The following PLXNA2 variants were observed in gnomAD, a reference collection of about 807,000 sequenced individuals.
The protein encoded by PLXNA2 is plexin-A2.
A neutral mutation model predicts 193.5 loss-of-function variants in PLXNA2; 91 were observed. The observed-to-expected ratio is 0.47, with a 90% CI of 0.40 to 0.56. PLXNA2 has a LOEUF of 0.56. Among genes scored for constraint, PLXNA2 ranks in the 20% least tolerant of loss-of-function variants. The pLI, the probability that PLXNA2 is intolerant of heterozygous loss-of-function variation, is 0.00. For missense variants in PLXNA2, 1,995 were observed against 2,503.2 expected (o/e 0.80, Z 4.33); for synonymous variants, 997 against 1,027.3 (o/e 0.97, Z 0.56).
chr1:208,102,546 C>T (rs1273888680), intron 5 of PLXNA2, among the ~76,000 whole-genome samples: 2 of 152,224 alleles, frequency 1.3e-5, no homozygotes, highest in African/African-American at 4.8e-5. Context: ...GAAGGGTCCT[C>T]CCAAGGGTAT....
intron 26 of PLXNA2, among the ~76,000 whole-genome samples, chr1:208,036,409 A>C (rs1664671286): frequency 6.6e-6 from 1 of 152,202 alleles, no homozygotes; most frequent in African/African-American, 2.4e-5. Flanking sequence ...AGGTGGTGCA[A>C]GTCCATGGTC....
At position 208,098,864 on chromosome 1, in the gene PLXNA2, T is replaced by C; in HGVS notation, c.1713A>G (p.Val571=). The C allele has an allele frequency of 6.2e-7, 1 of 1,613,852 alleles. No homozygotes were observed. The highest frequency in any genetic ancestry group is 8.5e-7 in the Non-Finnish European group (1 of 1,179,948). ...TACTTACCAACCGGCTGTGCTCAGATACTGAGATGCTGCTGGGATGCACTG... is the reference window on the plus strand; with the variant it reads ...TACTTACCAACCGGCTGTGCTCAGACACTGAGATGCTGCTGGGATGCACTG... ...SLAVHPSSIS[V]SEHSRLLSLV... Residue 571 remains valine, a synonymous_variant, in exon 6 of 32, where the codon GTA becomes GTG. Coordinates refer to ENST00000367033, the MANE Select transcript of PLXNA2 (RefSeq NM_025179.4).
At chr1:208,243,320 C>T (rs927630987) in intron 1 of PLXNA2, among the ~76,000 whole-genome samples, 2 of 152,284 alleles carry the variant, frequency 1.3e-5, no homozygotes, top group Admixed American at 6.5e-5. Context: ...CCGCAGAGCG[C>T]CGGCAGGTGC....
intron 1 of PLXNA2, among the ~76,000 whole-genome samples, chr1:208,231,081 C>A (rs1336641983): frequency 6.6e-6 from 1 of 152,086 alleles, no homozygotes; most frequent in Non-Finnish European, 1.5e-5. Flanking sequence ...CATTTGAGAC[C>A]CTTGAGGCGC....
chr1:208,223,143 G>A (rs969884317), intron 1 of PLXNA2, among the ~76,000 whole-genome samples: 22 of 150,976 alleles, frequency 1.5e-4, no homozygotes, highest in African/African-American at 4.9e-4. Context: ...AGAGGAGTCC[G>A]TCTTCTCCTT....
At chr1:208,219,610 T>G (rs972659264) in intron 1 of PLXNA2, among the ~76,000 whole-genome samples, 3 of 152,160 alleles carry the variant, frequency 2.0e-5, no homozygotes, top group African/African-American at 7.2e-5. Context: ...GGGTTATAAT[T>G]AGAACAGACA....
intron 3 of PLXNA2, among the ~76,000 whole-genome samples, chr1:208,206,905 A>G (rs1395238190): frequency 2.0e-5 from 3 of 151,818 alleles, no homozygotes; most frequent in African/African-American, 7.3e-5. Flanking sequence ...CTGGGATTAC[A>G]GGTGCATGCC....
chr1:208,154,654 C>A (rs1032936194), intron 3 of PLXNA2, among the ~76,000 whole-genome samples: 1 of 152,252 alleles, frequency 6.6e-6, no homozygotes, highest in Non-Finnish European at 1.5e-5. Context: ...GTACAAGTCT[C>A]GCCTTGGGCA....
chr1:208,234,259 C>G (rs1022598960), intron 1 of PLXNA2, among the ~76,000 whole-genome samples: 4 of 152,016 alleles, frequency 2.6e-5, no homozygotes, highest in African/African-American at 7.2e-5. Context: ...TGTGTGGGCC[C>G]GGGTAAAAGG....
At chr1:208,036,906 C>T (rs1664686259) in intron 26 of PLXNA2, among the ~76,000 whole-genome samples, 1 of 152,160 alleles carries the variant, frequency 6.6e-6, no homozygotes, top group Non-Finnish European at 1.5e-5. Context: ...CAGAAAGACC[C>T]CACTCCTGCC....
intron 17 of PLXNA2, among the ~76,000 whole-genome samples, chr1:208,049,754 A>G (rs1175028302): frequency 1.3e-5 from 2 of 152,134 alleles, no homozygotes; most frequent in East Asian, 1.9e-4. Context: ...AGACCTTTCT[A>G]TATCTAACCT....
At chr1:208,097,734 G>C (rs1666944929) in intron 6 of PLXNA2, among the ~76,000 whole-genome samples, 2 of 152,134 alleles carry the variant, frequency 1.3e-5, no homozygotes, top group African/African-American at 2.4e-5. Flanking sequence ...CAGCATCTAA[G>C]TGGTATTTGA....
intron 9 of PLXNA2, among the ~76,000 whole-genome samples, chr1:208,087,196 T>C (rs1341455818): frequency 1.3e-5 from 2 of 152,006 alleles, no homozygotes; most frequent in Non-Finnish European, 1.5e-5. Flanking sequence ...CTGGGGTTAG[T>C]AAAAAAAGAT....
At chr1:208,164,966 A>C (rs1193458547) in intron 3 of PLXNA2, among the ~76,000 whole-genome samples, 1 of 152,206 alleles carries the variant, frequency 6.6e-6, no homozygotes, top group Non-Finnish European at 1.5e-5. Flanking sequence ...CAGTGATGAG[A>C]GGCCTCTGAG....
intron 4 of PLXNA2, among the ~76,000 whole-genome samples, chr1:208,107,109 G>T (rs1667293872): frequency 6.6e-6 from 1 of 152,194 alleles, no homozygotes; most frequent in South Asian, 2.1e-4. Context: ...CAGGTCTGGG[G>T]CCCTCAAGGA....
rs764519462 is a variant in PLXNA2, at chr1:208,096,144, A to C, written c.1886-19T>G. 1.3e-6 allele frequency: 2 copies of C among 1,598,594 alleles called. No homozygotes were observed. The highest frequency in any genetic ancestry group is 2.2e-5 in the South Asian group (2 of 90,734). On this transcript the variant is annotated intron_variant, in intron 7 of 31. Transcript: ENST00000367033. ...AACCAGTCTGGAAAAACAAACAAAA[A>C]AGGATGGGGTTGGGTAACAACGTGG...
chr1:208,065,886 C>T (rs1208183453), intron 12 of PLXNA2, among the ~76,000 whole-genome samples: 2 of 152,194 alleles, frequency 1.3e-5, no homozygotes, highest in African/African-American at 2.4e-5. Context: ...TCTTTCCTCC[C>T]TCCCTTGTGG....
At chr1:208,036,244 C>T (rs6540449) in intron 26 of PLXNA2, among the ~76,000 whole-genome samples, 82,466 of 152,062 alleles carry the variant, frequency 0.54, 22,871 homozygotes, top group Non-Finnish European at 0.59. Context: ...GGCAGGAGTT[C>T]ACACTCCCAG....
intron 3 of PLXNA2, among the ~76,000 whole-genome samples, chr1:208,155,621 A>G (rs1023100483): frequency 6.6e-6 from 1 of 152,206 alleles, no homozygotes; most frequent in Admixed American, 6.5e-5. Context: ...AAAGAAGCGG[A>G]GGTGAGGATG....
Sources: allele counts gnomAD v4.1 joint callset (sites outside exome capture counted in the v4.1 genomes callset), GRCh38; gene constraint gnomAD v4.1.1; transcripts MANE v1.5; gene names NCBI Gene and HGNC (gene_info 2026-07-23, HGNC 2026-07-21).